GAPVD1: variants seen among roughly 807,000 people sequenced by gnomAD.
GAPVD1 encodes the protein GTPase-activating protein and VPS9 domain-containing protein 1.
In GAPVD1, 35 loss-of-function variants were observed where a neutral mutation model predicts 155.5. The ratio of observed to expected loss-of-function variants is 0.23; its 90% CI spans 0.17 to 0.30. GAPVD1 has a LOEUF of 0.30. GAPVD1 is among the 10% of genes least tolerant of loss of function. The pLI, the probability that GAPVD1 is intolerant of heterozygous loss-of-function variation, is 1.00. For synonymous variants in GAPVD1, 636 were observed against 619.7 expected, an observed-to-expected ratio of 1.03 and a Z score of -0.39; for missense variants, 1,429 against 1,775.7, an observed-to-expected ratio of 0.80 and a Z score of 3.51.
At chr9:125,276,552 G>C (rs911249140) in intron 2 of GAPVD1, among the ~76,000 whole-genome samples, 4 of 152,148 alleles carry the variant, frequency 2.6e-5, no homozygotes, top group Admixed American at 6.5e-5. Flanking sequence ...AGCTGAGCGT[G>C]ATGGTGTACG....
At chr9:125,320,598 G>T (rs528139712) in intron 9 of GAPVD1, among the ~76,000 whole-genome samples, 1 of 152,094 alleles carries the variant, frequency 6.6e-6, no homozygotes, top group South Asian at 2.1e-4. Flanking sequence ...TGCAAATTTA[G>T]TATGTTTAAA....
intron 8 of GAPVD1, among the ~76,000 whole-genome samples, chr9:125,311,069 G>A (rs965937832): frequency 4.0e-5 from 6 of 151,832 alleles, no homozygotes; most frequent in South Asian, 2.1e-4. Context: ...TCAAACTCCC[G>A]ACCTCAGGTG....
intron 25 of GAPVD1, among the ~76,000 whole-genome samples, chr9:125,357,250 TG>T: frequency 6.6e-6 from 1 of 152,316 alleles, no homozygotes; most frequent in East Asian, 1.9e-4. Context: ...GCACAGTGGT[TG>T]GCTTCTAATA....
At chr9:125,274,918 C>T (rs1835519094) in intron 2 of GAPVD1, among the ~76,000 whole-genome samples, 1 of 152,170 alleles carries the variant, frequency 6.6e-6, no homozygotes, top group African/African-American at 2.4e-5. Context: ...AAACCTGAGA[C>T]TTGAGCCCAG....
chr9:125,308,648 A>G (rs374754414), intron 8 of GAPVD1: 12 of 152,262 alleles, frequency 7.9e-5, no homozygotes, highest in East Asian at 5.8e-4. Flanking sequence ...AGCATATACC[A>G]TGTTCCATAC....
intron 2 of GAPVD1, among the ~76,000 whole-genome samples, chr9:125,280,396 CAAAAAAAAAAA>C (rs750354567): frequency 3.5e-5 from 2 of 57,340 alleles, no homozygotes; most frequent in South Asian, 1.6e-3. Flanking sequence ...AAGTCCATCT[CAAAAAAAAAAA>C]AAAAAAAAAA....
intron 19 of GAPVD1, among the ~76,000 whole-genome samples, chr9:125,342,696 A>G (rs939124559): frequency 6.6e-6 from 1 of 152,170 alleles, no homozygotes; most frequent in Non-Finnish European, 1.5e-5. Context: ...TTGATCGTAG[A>G]ATTCTACATT....
chr9:125,359,307 T>C, intron 25 of GAPVD1, 113 bp from the exon 26 acceptor site: 1 of 725,336 alleles, frequency 1.4e-6, no homozygotes, highest in Non-Finnish European at 2.5e-6. Flanking sequence ...TATCTAGCTG[T>C]AATCCATATC....
In GAPVD1 at chr9:125,293,868, A is replaced by AAATATAT. The variant is rs1554757151; in HGVS notation, c.-149-1590_-149-1589insAATATAT. ...AAATATATTTTATATATATATATAT[A>AAATATAT]TATATATATATATATATATATATAT... On this transcript the variant is annotated intron_variant, in intron 2 of 27. Transcript: ENST00000297933. Among the ~76,000 whole-genome samples the AAATATAT allele has an allele frequency of 6.9e-3, 134 of 19,334 alleles. 6 individuals carry two copies. The highest frequency in any genetic ancestry group is 0.065 in the African/African-American group (128 of 1,982). 12.7% of individuals were successfully genotyped at this position (19,334 alleles called of 152,430 possible).
intron 24 of GAPVD1, among the ~76,000 whole-genome samples, 197 bp downstream of exon 24, chr9:125,355,038 G>A (rs188661522): frequency 6.6e-6 from 1 of 152,226 alleles, no homozygotes; most frequent in East Asian, 1.9e-4. Context: ...AATATCTGTA[G>A]CTTACTTTTT....
intron 12 of GAPVD1, among the ~76,000 whole-genome samples, chr9:125,328,803 G>T (rs1430802542): frequency 3.3e-5 from 5 of 149,858 alleles, no homozygotes; most frequent in Non-Finnish European, 5.9e-5. Context: ...CTCACCTCCC[G>T]GACGAGGCGG....
intron 25 of GAPVD1, among the ~76,000 whole-genome samples, chr9:125,356,433 A>G (rs1377975228): frequency 6.6e-6 from 1 of 152,178 alleles, no homozygotes; most frequent in East Asian, 1.9e-4. Context: ...TGACAACCAC[A>G]TGTCTTCAGA....
Position 125,270,333 on chromosome 9 carries a change from G to A in GAPVD1, c.-150+1349G>A, listed in dbSNP as rs1239852501. 2.0e-5 allele frequency among the ~76,000 whole-genome samples: 3 copies of A among 152,000 alleles called. No homozygotes were observed. In the East Asian group the frequency reaches 5.8e-4, roughly 30 times the overall value. Reference sequence around the variant, plus strand: ...AGTCCCAGCTACTTGGGAGGCTGAGGCAGGAGAATTGCTTGAACCTGGGAG... The same window carrying A: ...AGTCCCAGCTACTTGGGAGGCTGAGACAGGAGAATTGCTTGAACCTGGGAG... On this transcript the variant is annotated intron_variant, in intron 2 of 27. Transcript: ENST00000297933.
chr9:125,335,028 G>T, intron 15 of GAPVD1: 1 of 490,864 alleles, frequency 2.0e-6, no homozygotes. Context: ...CATTGATTTG[G>T]TTTCAAATTC....
At chr9:125,322,230 A>G (rs1375017274) in intron 10 of GAPVD1, among the ~76,000 whole-genome samples, 1 of 151,806 alleles carries the variant, frequency 6.6e-6, no homozygotes, top group Non-Finnish European at 1.5e-5. Context: ...ACGCCTGGCT[A>G]ATTTTTTGTA....
Position 125,312,593 on chromosome 9 carries a change from G to C in GAPVD1, c.1583G>C (p.Gly528Ala). 6.3e-7 allele frequency: 1 copy of C among 1,586,056 alleles called. No individual in the cohort carries two copies. The highest frequency in any genetic ancestry group is 1.2e-5 in the South Asian group (1 of 84,840). Residue 528 changes from glycine to alanine, a missense_variant, in exon 9 of 28, where the codon GGG becomes GCG. Coordinates refer to ENST00000297933, the MANE Select transcript of GAPVD1 (RefSeq NM_001282680.3). The stretch of plus-strand genomic sequence containing the variant: ...GGTACAGGTCCCCAGCTTACTCCAG[G>C]GATGATGTCAGAAAATGAGGTATGA... ...SLGTGPQLTPGMMSENEVLNM... is the reference protein window; with the variant it reads ...SLGTGPQLTPAMMSENEVLNM...
At chr9:125,310,004 C>T (rs748073197) in intron 8 of GAPVD1, 3 of 458,238 alleles carry the variant, frequency 6.5e-6, no homozygotes, top group South Asian at 1.6e-5. Context: ...GTAGTAACCC[C>T]GTTTGGTGGG....
intron 1 of GAPVD1, among the ~76,000 whole-genome samples, chr9:125,265,852 G>C (rs2131639060): frequency 6.9e-6 from 1 of 145,698 alleles, no homozygotes; most frequent in African/African-American, 2.5e-5. Context: ...TTGAGTCCTT[G>C]AACCCGGGAG....
intron 5 of GAPVD1, among the ~76,000 whole-genome samples, chr9:125,303,564 G>A (rs1841285476): frequency 6.6e-6 from 1 of 151,532 alleles, no homozygotes; most frequent in African/African-American, 2.4e-5. Flanking sequence ...ATCACCTGAT[G>A]TCCAGAGTTT....
Sources: gnomAD v4.1 joint callset for allele counts (sites outside exome capture counted in the v4.1 genomes callset) on GRCh38, gnomAD v4.1.1 for gene constraint, MANE v1.5 for transcripts, NCBI Gene and HGNC (gene_info 2026-07-23, HGNC 2026-07-21) for gene names.